Variants in DHODH observed in about 807,000 individuals in gnomAD.
DHODH encodes dihydroorotate dehydrogenase (quinone), mitochondrial.
DHODH carries 30 observed loss-of-function variants against 39.7 expected under a neutral mutation model. The ratio of observed to expected loss-of-function variants is 0.76; its 90% CI spans 0.57 to 1.02. The LOEUF is 1.02. Ranked by LOEUF, DHODH falls within the 50% of genes least tolerant of loss-of-function variation. DHODH has a pLI of 0.00. For missense variants in DHODH, 531 were observed against 520.8 expected (o/e 1.02, Z -0.19); for synonymous variants, 222 against 213.8 (o/e 1.04, Z -0.34).
chr16:72,024,323 A>C lies in DHODH; in HGVS notation c.*124A>C. On this transcript the variant is annotated 3_prime_UTR_variant, in exon 9 of 9. Transcript: ENST00000219240. ...TGTCCCCCAGCCATGGCATGGCTGC[A>C]CTGTAAACGCCAATCGGGGGGTCAC... 9.6e-7 allele frequency: 1 copy of C among 1,045,346 alleles called. No individual in the cohort carries two copies. The allele number at this position is 1,045,346 out of a possible 1,614,324, so 64.8% of individuals were successfully genotyped here. A position where few individuals can be genotyped will look rare whatever the true frequency, so the allele number is the denominator to read the frequency against.
rs200549060 is a variant in DHODH, at chr16:72,012,101, G to A, written c.73G>A (p.Ala25Thr). The A allele has an allele frequency of 5.7e-5, 92 of 1,614,112 alleles. 1 individual carries two copies. The highest frequency in any genetic ancestry group is 1.6e-4 in the Middle Eastern group (1 of 6,062). The change falls in exon 2 of 9, where the codon GCC becomes ACC. Residue 25 changes from alanine (A) to threonine (T), a missense_variant. By Grantham distance (58) the Ala-to-Thr change is moderately conservative. Transcript: ENST00000219240. The part of the protein sequence containing the change: ...IILGGGGLLF[A>T]SYLMATGDER... ...CCTGGGGGGAGGAGGACTTCTCTTC[G>A]CCTCCTACCTGATGGCCACGGGAGA...
Position 72,009,828 on chromosome 16 carries a change from C to G in DHODH, c.21+1043C>G, listed in dbSNP as rs1012489734. On this transcript the variant is annotated intron_variant, in intron 1 of 8. Transcript: ENST00000219240. ...CTGCAGTTTCACCATGTTGGTCAGG[C>G]TGGTCTCGAACTCCTCACCTCGTGA... is the stretch of plus-strand genomic sequence containing the variant. Among the ~76,000 whole-genome samples, 20 of 152,264 alleles carry G rather than the reference C, an allele frequency of 1.3e-4. No homozygotes were observed. The South Asian group carries it at 4.1e-3, about 32-fold the overall frequency.
chr16:72,015,653 T>TC (rs2041134194), intron 3 of DHODH: 4 of 977,472 alleles, frequency 4.1e-6, no homozygotes, highest in Non-Finnish European at 4.9e-6. Context: ...GCATTAGAGA[T>TC]CAAGTTATTG....
chr16:72,012,328 A>C, intron 2 of DHODH, 66 bp downstream of exon 2: 1 of 1,440,302 alleles, frequency 6.9e-7, no homozygotes, highest in Non-Finnish European at 9.7e-7. Context: ...TAAACTTCTC[A>C]GCTGGGACTG....
intron 4 of DHODH, chr16:72,020,368 TA>T (rs1326416877): frequency 5.4e-5 from 4 of 74,018 alleles, no homozygotes; most frequent in African/African-American, 2.1e-4. Context: ...TATATATATA[TA>T]TATTTTTTTT....
chr16:72,016,065 C>A, intron 3 of DHODH: 1 of 171,274 alleles, frequency 5.8e-6, no homozygotes, highest in Non-Finnish European at 1.2e-5. Context: ...GACTCTGGTC[C>A]AACTTCTCTG....
At chr16:72,017,131 C>T in intron 4 of DHODH, 25 bp downstream of exon 4, 3 of 1,607,384 alleles carry the variant, frequency 1.9e-6, no homozygotes, top group Non-Finnish European at 1.7e-6. Context: ...TGTCAGTGGG[C>T]CTTTCTTATT....
intron 2 of DHODH, chr16:72,013,733 G>C (rs1166713761): frequency 6.6e-6 from 1 of 152,442 alleles, no homozygotes; most frequent in African/African-American, 2.4e-5. Flanking sequence ...CGGTCCTGGA[G>C]GAAGGCCCCT....
rs1279194845 is a variant in DHODH, at chr16:72,022,461, A to C, written c.805A>C (p.Ser269Arg). The part of the protein sequence containing the change: ...LTSQDKEDIA[S>R]VVKELGIDGL... ...CAGCCAGGATAAGGAGGACATTGCC[A>C]GTGTGGTCAAAGAGGTTTGAGTCGG... The change falls in exon 6 of 9, where the codon AGT becomes CGT. Residue 269 changes from serine to arginine, a missense_variant. Coordinates refer to ENST00000219240, the MANE Select transcript of DHODH (RefSeq NM_001361.5). The C allele has an allele frequency of 6.4e-7, 1 of 1,553,266 alleles. No individual in the cohort carries two copies. The highest frequency in any genetic ancestry group is 2.4e-5 in the East Asian group (1 of 41,176).
Position 72,023,300 on chromosome 16 carries a change from A to T in DHODH, c.955A>T (p.Met319Leu). Residue 319 changes from methionine (M) to leucine (L), a missense_variant, in exon 7 of 9, where the codon ATG becomes TTG. By Grantham distance (15) the Met-to-Leu change is conservative. Coordinates refer to ENST00000219240, the MANE Select transcript of DHODH (RefSeq NM_001361.5). ...RDLSTQTIREMYALTQGRVPI... is the reference protein window; with the variant it reads ...RDLSTQTIRELYALTQGRVPI... Reference sequence around the variant, plus strand: ...TTTATCAACTCAAACCATTCGGGAGATGTATGCACTCACCCAAGGCAAGGT... The same window carrying T: ...TTTATCAACTCAAACCATTCGGGAGTTGTATGCACTCACCCAAGGCAAGGT... 6.2e-7 allele frequency: 1 copy of T among 1,614,076 alleles called. No individual in the cohort carries two copies. Among genetic ancestry groups the T allele is most frequent in the Middle Eastern group, 1.6e-4 (1 of 6,062 alleles).
chr16:72,024,398 C>A lies in DHODH; in HGVS notation c.*199C>A. 8.0e-6 allele frequency: 5 copies of A among 626,258 alleles called. No individual in the cohort carries two copies. The highest frequency in any genetic ancestry group is 2.9e-6 in the Non-Finnish European group (1 of 347,620). 38.8% of individuals were successfully genotyped at this position (626,258 alleles called of 1,614,324 possible). On this transcript the variant is annotated 3_prime_UTR_variant, in exon 9 of 9. Transcript: ENST00000219240. ...AGTCCCTTGGTCAGACCATAAACTG[C>A]ATTTTTGATTCTTTGTGGATTCAAA... is the stretch of plus-strand genomic sequence containing the variant.
At chr16:72,013,793 C>T (rs2041110445) in intron 2 of DHODH, 1 of 154,154 alleles carries the variant, frequency 6.5e-6, no homozygotes, top group South Asian at 2.0e-4. Context: ...TTCTCACCTT[C>T]ATTTGTTGCT....
chr16:72,026,524 G>A lies in DHODH; in HGVS notation c.*2325G>A, dbSNP rs1481066726. 1 of 152,318 alleles carries A rather than the reference G, an allele frequency of 6.6e-6. No individual in the cohort carries two copies. Among genetic ancestry groups the A allele is most frequent in the African/African-American group, 2.4e-5 (1 of 41,356 alleles). 9.4% of individuals were successfully genotyped at this position (152,318 alleles called of 1,614,324 possible). A position where few individuals can be genotyped will look rare whatever the true frequency, so the allele number is the denominator to read the frequency against. On this transcript the variant is annotated 3_prime_UTR_variant, in exon 9 of 9. Transcript: ENST00000219240. ...GCCTCCAGAGTAGCTGGGACTACAGGTGCATGCCACTGTGCCCTGCTAATT... is the reference window on the plus strand; with the variant it reads ...GCCTCCAGAGTAGCTGGGACTACAGATGCATGCCACTGTGCCCTGCTAATT...
chr16:72,024,032 A>G (rs547192119), intron 8 of DHODH, 113 bp from the exon 9 acceptor site: 11 of 1,103,124 alleles, frequency 1.0e-5, no homozygotes, highest in Non-Finnish European at 1.5e-5. Context: ...TGTAGAGGAA[A>G]CCAGATGTGC....
chr16:72,021,057 G>T, intron 4 of DHODH, 67 bp from the exon 5 acceptor site: 1 of 1,501,550 alleles, frequency 6.7e-7, no homozygotes. Flanking sequence ...GTTTGGTCAA[G>T]GGCAGCCTCA....
At chr16:72,017,821 G>C (rs1440560671) in intron 4 of DHODH, among the ~76,000 whole-genome samples, 2 of 138,306 alleles carry the variant, frequency 1.4e-5, no homozygotes, top group African/African-American at 5.9e-5. Flanking sequence ...CCCCAGGCTA[G>C]AGTGCAGTGG....
chr16:72,023,465 T>G lies in DHODH; in HGVS notation c.974-9T>G. The G allele has an allele frequency of 6.2e-7, 1 of 1,614,170 alleles. No individual in the cohort carries two copies. The highest frequency in any genetic ancestry group is 8.5e-7 in the Non-Finnish European group (1 of 1,180,038). On this transcript the variant is annotated splice_polypyrimidine_tract_variant and intron_variant, in intron 7 of 8. Coordinates refer to ENST00000219240, the MANE Select transcript of DHODH (RefSeq NM_001361.5). ...CTTCTTTATGGTGTCGCCATGTGCTTCTCTGTAGGCCGAGTTCCCATAATT... is the reference window on the plus strand; with the variant it reads ...CTTCTTTATGGTGTCGCCATGTGCTGCTCTGTAGGCCGAGTTCCCATAATT...
At position 72,024,233 on chromosome 16, in the gene DHODH, C is replaced by T; in HGVS notation, c.*34C>T. 6.2e-7 allele frequency: 1 copy of T among 1,611,812 alleles called. No homozygotes were observed. Among genetic ancestry groups the T allele is most frequent in the Non-Finnish European group, 8.5e-7 (1 of 1,178,106 alleles). ...TCTGACGGGAAGCCTGATCTGGAAC[C>T]TTCCCAAGGACTCAGGCAAGCCTTT... is the stretch of plus-strand genomic sequence containing the variant. On this transcript the variant is annotated 3_prime_UTR_variant, in exon 9 of 9. Transcript: ENST00000219240.
At position 72,014,671 on chromosome 16, in the gene DHODH, A is replaced by G. The variant is rs747285736; in HGVS notation, c.433A>G (p.Arg145Gly). The G allele has an allele frequency of 3.7e-6, 6 of 1,613,970 alleles. No individual in the cohort carries two copies. In the African/African-American group the frequency reaches 8.0e-5, roughly 22 times the overall value. ...RLPEDQAVIN[R>G]YGFNSHGLSV... ...CCCTGAGGACCAAGCTGTCATTAAC[A>G]GGTAGGTGAGCGGCCCAGAGTTAAC... Residue 145 changes from arginine (R) to glycine (G), a missense_variant and splice_region_variant, in exon 3 of 9, where the codon AGG becomes GGG. Physicochemically the swap from Arg to Gly is moderately radical, Grantham distance 125. Transcript: ENST00000219240.
Sources: allele counts gnomAD v4.1 joint callset (sites outside exome capture counted in the v4.1 genomes callset), GRCh38; gene constraint gnomAD v4.1.1; transcripts MANE v1.5; gene names NCBI Gene and HGNC (gene_info 2026-07-23, HGNC 2026-07-21).